METTL15: variants seen among roughly 807,000 people sequenced by gnomAD.
METTL15 encodes the protein 12S rRNA N(4)-cytidine methyltransferase METTL15.
In METTL15, 34 loss-of-function variants were observed where a neutral mutation model predicts 38.3. The ratio of observed to expected loss-of-function variants is 0.89; its 90% CI spans 0.68 to 1.18. METTL15 has a LOEUF of 1.18. METTL15 is among the 50% of genes most tolerant of loss of function. METTL15 has a pLI of 0.00. For synonymous variants in METTL15, 162 were observed against 170.9 expected (o/e 0.95, Z 0.41); for missense variants, 438 against 498.4 (o/e 0.88, Z 1.15).
intron 6 of METTL15, among the ~76,000 whole-genome samples, chr11:28,307,069 C>G (rs1163972022): frequency 6.6e-6 from 1 of 151,726 alleles, no homozygotes; most frequent in Non-Finnish European, 1.5e-5. Flanking sequence ...TTTATTGTAT[C>G]ACTGTAATCT....
At chr11:28,225,483 T>C (rs1391606996) in intron 4 of METTL15, among the ~76,000 whole-genome samples, 3 of 151,768 alleles carry the variant, frequency 2.0e-5, no homozygotes, top group South Asian at 2.1e-4. Context: ...GGGAATTTTA[T>C]AGATATCACT....
Position 28,279,725 on chromosome 11 carries a change from C to T in METTL15, c.408-10481C>T, listed in dbSNP as rs1009047197. Among the ~76,000 whole-genome samples, 5 of 152,068 alleles carry T rather than the reference C, an allele frequency of 3.3e-5. 1 individual carries two copies. The East Asian group carries it at 9.7e-4, about 30-fold the overall frequency. On this transcript the variant is annotated intron_variant, in intron 4 of 6. Coordinates refer to ENST00000407364, the MANE Select transcript of METTL15 (RefSeq NM_001113528.2). ...ACCAGCCTGGCCAACATGGTGAAAC[C>T]CCGTCTCTACCAAAGATGCAAAAAA...
chr11:28,255,411 CTTCT>C (rs2133930034), intron 4 of METTL15, among the ~76,000 whole-genome samples: 1 of 152,222 alleles, frequency 6.6e-6, no homozygotes, highest in East Asian at 1.9e-4. Context: ...GATAATTTGA[CTTCT>C]TTCTAATTTG....
At chr11:28,354,848 A>G (rs1422577706) in intron 4 of METTL15, among the ~76,000 whole-genome samples, 2 of 152,208 alleles carry the variant, frequency 1.3e-5, no homozygotes, top group African/African-American at 4.8e-5. Flanking sequence ...GTATGTTGCC[A>G]ACAAAAATGT....
At chr11:28,355,864 G>A (rs1850085912) in intron 4 of METTL15, among the ~76,000 whole-genome samples, 1 of 152,010 alleles carries the variant, frequency 6.6e-6, no homozygotes, top group Admixed American at 6.6e-5. Flanking sequence ...ATTGCTACAG[G>A]GTTTCAGATG....
At chr11:28,363,159 G>T (rs566881451) in intron 5 of METTL15, among the ~76,000 whole-genome samples, 2 of 151,948 alleles carry the variant, frequency 1.3e-5, no homozygotes, top group South Asian at 2.1e-4. Flanking sequence ...GTCTTTATAT[G>T]TCTTCTTCTT....
intron 6 of METTL15, among the ~76,000 whole-genome samples, chr11:28,479,880 T>C (rs1851381092): frequency 1.3e-5 from 2 of 152,188 alleles, no homozygotes; most frequent in Non-Finnish European, 2.9e-5. Flanking sequence ...GTAAATGACA[T>C]TTAGTGGACT....
chr11:28,490,661 T>A (rs903579262), intron 6 of METTL15, among the ~76,000 whole-genome samples: 1 of 152,104 alleles, frequency 6.6e-6, no homozygotes, highest in East Asian at 1.9e-4. Context: ...TTTAATTGAA[T>A]ACATTTTGAG....
At chr11:28,152,718 G>A (rs187339067) in intron 3 of METTL15, among the ~76,000 whole-genome samples, 1 of 152,050 alleles carries the variant, frequency 6.6e-6, no homozygotes, top group Admixed American at 6.6e-5. Flanking sequence ...TACAGGAAAG[G>A]GGTCCGTATC....
At chr11:28,160,881 G>T (rs1484290947) in intron 3 of METTL15, among the ~76,000 whole-genome samples, 1 of 151,868 alleles carries the variant, frequency 6.6e-6, no homozygotes, top group African/African-American at 2.4e-5. Flanking sequence ...TCTTCATTTA[G>T]TACATTGATT....
intron 3 of METTL15, among the ~76,000 whole-genome samples, chr11:28,198,504 A>G (rs891550728): frequency 6.6e-6 from 1 of 152,140 alleles, no homozygotes; most frequent in Admixed American, 6.6e-5. Flanking sequence ...AGAATGAGTC[A>G]TCATAGTAAC....
intron 6 of METTL15, among the ~76,000 whole-genome samples, chr11:28,478,652 C>T (rs2582902): frequency 0.97 from 147,844 of 152,134 alleles, 71,941 homozygotes; most frequent in East Asian, 1. Context: ...GCTTGCTTTG[C>T]TCCTGGATGC....
intron 3 of METTL15, among the ~76,000 whole-genome samples, chr11:28,207,779 G>A (rs549570565): frequency 1.3e-5 from 2 of 151,962 alleles, no homozygotes; most frequent in Non-Finnish European, 2.9e-5. Context: ...TGTTGCCACA[G>A]TTTCAGATCC....
chr11:28,514,902 G>A (rs1851706745), intron 6 of METTL15, among the ~76,000 whole-genome samples: 1 of 152,242 alleles, frequency 6.6e-6, no homozygotes, highest in Non-Finnish European at 1.5e-5. Flanking sequence ...GATCTCCACA[G>A]AGGTTTGGCC....
At chr11:28,441,657 G>A (rs1851035947) in intron 6 of METTL15, among the ~76,000 whole-genome samples, 1 of 152,034 alleles carries the variant, frequency 6.6e-6, no homozygotes, top group African/African-American at 2.4e-5. Flanking sequence ...ATTTTCATCT[G>A]GGGCCTCTCC....
At position 28,125,301 on chromosome 11, in the gene METTL15, A is replaced by G. The variant is rs548085713; in HGVS notation, c.270+11697A>G. ...TCTTTGAGCAATTTATATCAGGGAT[A>G]TATCAGTTTTGTTTAAGGTAAGTAT... On this transcript the variant is annotated intron_variant, in intron 3 of 6. Coordinates refer to ENST00000407364, the MANE Select transcript of METTL15 (RefSeq NM_001113528.2). 9.2e-5 allele frequency among the ~76,000 whole-genome samples: 14 copies of G among 152,242 alleles called. No individual in the cohort carries two copies. In the East Asian group the frequency reaches 2.7e-3, roughly 29 times the overall value.
chr11:28,456,288 A>G (rs767374172), intron 6 of METTL15, among the ~76,000 whole-genome samples: 1 of 152,094 alleles, frequency 6.6e-6, no homozygotes, highest in Non-Finnish European at 1.5e-5. Context: ...GATTACAGGC[A>G]TTGACTGCCA....
Position 28,369,342 on chromosome 11 carries a change from T to G in METTL15, c.*358+7306T>G, listed in dbSNP as rs1220043262. Among the ~76,000 whole-genome samples, 9 of 152,000 alleles carry G rather than the reference T, an allele frequency of 5.9e-5. No individual in the cohort carries two copies. The Middle Eastern group carries it at 0.01, about 172-fold the overall frequency. ...GTGGACCAGTATTGCATTACAGAAC[T>G]TATACATTGAGAACAGAGAGAGAAT... is the stretch of plus-strand genomic sequence containing the variant. On this transcript the variant is annotated intron_variant and NMD_transcript_variant, in intron 5 of 7. Transcript: ENST00000532947.
At chr11:28,187,970 A>G (rs1205414078) in intron 3 of METTL15, among the ~76,000 whole-genome samples, 1 of 151,316 alleles carries the variant, frequency 6.6e-6, no homozygotes, top group East Asian at 1.9e-4. Context: ...TATTATTTAA[A>G]TACGCAAGCA....
Sources: gnomAD v4.1 joint callset for allele counts (sites outside exome capture counted in the v4.1 genomes callset) on GRCh38, gnomAD v4.1.1 for gene constraint, MANE v1.5 for transcripts, NCBI Gene and HGNC (gene_info 2026-07-23, HGNC 2026-07-21) for gene names.